NXN: variants seen among roughly 807,000 people sequenced by gnomAD.
NXN encodes the protein nucleoredoxin 1.
Under a neutral mutation model 48.6 loss-of-function variants are expected in NXN, and 16 were observed. The observed-to-expected ratio is 0.33, with a 90% CI of 0.22 to 0.50. NXN has a LOEUF of 0.50. Ranked by LOEUF, NXN falls within the 20% of genes least tolerant of loss-of-function variation. The pLI is 0.98. For missense variants in NXN, 492 were observed against 605.5 expected (o/e 0.81, Z 1.97); for synonymous variants, 281 against 269.6 (o/e 1.04, Z -0.41).
intron 1 of NXN, among the ~76,000 whole-genome samples, chr17:886,549 G>C (rs1167492943): frequency 6.6e-6 from 1 of 152,150 alleles, no homozygotes; most frequent in African/African-American, 2.4e-5. Context: ...GGCCAATGTG[G>C]GTGGATCACC....
chr17:921,172 G>A (rs2144950884), intron 1 of NXN, among the ~76,000 whole-genome samples: 1 of 152,208 alleles, frequency 6.6e-6, no homozygotes. Context: ...GGCACACAGG[G>A]GAGCCCCTTC....
intron 1 of NXN, among the ~76,000 whole-genome samples, chr17:858,630 A>AG (rs1424456070): frequency 1.3e-5 from 2 of 152,098 alleles, no homozygotes; most frequent in East Asian, 3.9e-4. Flanking sequence ...GGGGAGGCTG[A>AG]GACAGCAGCC....
rs2068702005 is a variant in NXN, at chr17:917,663, A to G, written c.360+61656T>C. Among the ~76,000 whole-genome samples the G allele has an allele frequency of 1.3e-5, 2 of 152,166 alleles. No homozygotes were observed. The highest frequency in any genetic ancestry group is 2.9e-5 in the Non-Finnish European group (2 of 68,030). On this transcript the variant is annotated intron_variant, in intron 1 of 7. Transcript: ENST00000336868. This position sits in a 1 kb window ranked among gnomAD's most constrained non-coding sequence, Gnocchi z 4.5. ...GCACGTCACCATCTCAACCCAATGTAGGCCACCCGCTGCAGGCGAGCTTCC... is the reference window on the plus strand; with the variant it reads ...GCACGTCACCATCTCAACCCAATGTGGGCCACCCGCTGCAGGCGAGCTTCC...
At chr17:911,830 T>C (rs1411675349) in intron 1 of NXN, among the ~76,000 whole-genome samples, 1 of 151,244 alleles carries the variant, frequency 6.6e-6, no homozygotes, top group Non-Finnish European at 1.5e-5. Context: ...AAAAACAAAA[T>C]ATGCACATAA....
At chr17:906,694 G>C (rs2068584435) in intron 1 of NXN, among the ~76,000 whole-genome samples, 1 of 151,116 alleles carries the variant, frequency 6.6e-6, no homozygotes, top group African/African-American at 2.4e-5. Context: ...AGCCTCCCGA[G>C]TAGCTGGGAC....
At chr17:839,121 T>C (rs1913993869) in intron 1 of NXN, among the ~76,000 whole-genome samples, 1 of 152,160 alleles carries the variant, frequency 6.6e-6, no homozygotes, top group South Asian at 2.1e-4. Context: ...CGTGCGGTGC[T>C]GACAACACTG....
intron 1 of NXN, among the ~76,000 whole-genome samples, chr17:869,057 T>C (rs1411886742): frequency 6.6e-6 from 1 of 152,102 alleles, no homozygotes. Context: ...CTGGGGCAGA[T>C]TCTACCCAAG....
intron 1 of NXN, among the ~76,000 whole-genome samples, chr17:872,309 A>G (rs1004843830): frequency 2.3e-5 from 2 of 85,274 alleles, no homozygotes; most frequent in African/African-American, 4.2e-5. Context: ...AAAGACTAGG[A>G]GAGAGAGAGA....
At chr17:950,112 C>T (rs984335091) in intron 1 of NXN, among the ~76,000 whole-genome samples, 26 of 152,162 alleles carry the variant, frequency 1.7e-4, no homozygotes, top group Admixed American at 4.6e-4. Context: ...CTTACAAATT[C>T]GGTGCCCTGT....
chr17:868,761 G>C (rs1396297106), intron 1 of NXN, among the ~76,000 whole-genome samples: 1 of 152,148 alleles, frequency 6.6e-6, no homozygotes, highest in East Asian at 1.9e-4. Context: ...CAAAGTGCTG[G>C]GATGACAGGC....
intron 5 of NXN, among the ~76,000 whole-genome samples, chr17:818,659 G>A (rs2080231386): frequency 6.6e-6 from 1 of 152,162 alleles, no homozygotes; most frequent in African/African-American, 2.4e-5. Flanking sequence ...GTCGAGGCGG[G>A]CAGATCACGA....
chr17:855,551 T>C (rs1483219280), intron 1 of NXN, among the ~76,000 whole-genome samples: 2 of 152,190 alleles, frequency 1.3e-5, no homozygotes, highest in East Asian at 3.9e-4. Flanking sequence ...AAAGTTTTGT[T>C]TGAATTAGCA....
chr17:910,784 G>A (rs1454546785), intron 1 of NXN: 1 of 152,178 alleles, frequency 6.6e-6, no homozygotes, highest in Non-Finnish European at 1.5e-5. Context: ...AGTTCAAAAT[G>A]ACTTTTCCAC....
chr17:831,478 T>TTTATTTA (rs10675426), intron 1 of NXN, among the ~76,000 whole-genome samples: 44,760 of 99,858 alleles, frequency 0.45, 7,038 homozygotes, highest in Admixed American at 0.54. Context: ...TATTTATTTA[T>TTTATTTA]TTATTATTTT....
In NXN at chr17:979,552, T is replaced by C. The variant is rs757416711; in HGVS notation, c.127A>G (p.Ser43Gly). 3 of 1,367,824 alleles carry C rather than the reference T, an allele frequency of 2.2e-6. No individual in the cohort carries two copies. Among genetic ancestry groups the C allele is most frequent in the Non-Finnish European group, 2.8e-6 (3 of 1,054,704 alleles). The allele number at this position is 1,367,824 out of a possible 1,614,324, so 84.7% of individuals were successfully genotyped here. A position where few individuals can be genotyped will look rare whatever the true frequency, so the allele number is the denominator to read the frequency against. Reference sequence around the variant, plus strand: ...GCGCTGAGCTGCGCGCAGGGGGCGCTGAGGCTGCAGCCGAAGTAGAGACCC... The same window carrying C: ...GCGCTGAGCTGCGCGCAGGGGGCGCCGAGGCTGCAGCCGAAGTAGAGACCC... ...LLGLYFGCSL[S>G]APCAQLSASL... is the part of the protein sequence containing the mutation. The change falls in exon 1 of 8, where the codon AGC (serine) becomes GGC (glycine). Residue 43 changes from serine to glycine, a missense_variant. Physicochemically the swap from Ser to Gly is moderately conservative, Grantham distance 56. Coordinates refer to ENST00000336868, the MANE Select transcript of NXN (RefSeq NM_022463.5).
intron 5 of NXN, among the ~76,000 whole-genome samples, chr17:807,641 A>C (rs1567809223): frequency 6.6e-6 from 1 of 152,150 alleles, no homozygotes; most frequent in African/African-American, 2.4e-5. Context: ...TCCTAAGACG[A>C]GGTGTGCCGG....
intron 1 of NXN, among the ~76,000 whole-genome samples, chr17:953,458 C>T (rs750058687): frequency 3.9e-5 from 6 of 152,066 alleles, no homozygotes; most frequent in African/African-American, 4.8e-5. Flanking sequence ...ACAAGCAGGA[C>T]GAGGCACCTC....
Position 932,011 on chromosome 17 carries a change from G to A in NXN, c.360+47308C>T, listed in dbSNP as rs146136090. On this transcript the variant is annotated intron_variant, in intron 1 of 7. Transcript: ENST00000336868. This position sits in a 1 kb window ranked among gnomAD's most constrained non-coding sequence, Gnocchi z 4.1. ...ATACAAAAATTAGCCAGGTGTGGTGGTGGGTGCCTATAATCCCAGCTAATG... is the reference window on the plus strand; with the variant it reads ...ATACAAAAATTAGCCAGGTGTGGTGATGGGTGCCTATAATCCCAGCTAATG... Among the ~76,000 whole-genome samples the A allele has an allele frequency of 1.3e-5, 2 of 148,260 alleles. No individual in the cohort carries two copies. The highest frequency in any genetic ancestry group is 2.9e-5 in the Non-Finnish European group (2 of 67,992).
At chr17:968,918 CAG>C (rs921042790) in intron 1 of NXN, among the ~76,000 whole-genome samples, 2 of 150,364 alleles carry the variant, frequency 1.3e-5, no homozygotes, top group Admixed American at 6.7e-5. Context: ...GCCTGGGAGA[CAG>C]AGAGAGACAC....
Sources: gnomAD v4.1 joint callset for allele counts (sites outside exome capture counted in the v4.1 genomes callset) on GRCh38, gnomAD v4.1.1 for gene constraint, Gnocchi (gnomAD v3.1) non-coding constraint, MANE v1.5 for transcripts, NCBI Gene and HGNC (gene_info 2026-07-23, HGNC 2026-07-21) for gene names.